Variants in CEMIP observed in about 807,000 individuals in gnomAD.
CEMIP encodes the protein cell migration-inducing and hyaluronan-binding protein.
In CEMIP, 105 loss-of-function variants were observed where a neutral mutation model predicts 156.9. That is an observed-to-expected ratio of 0.67 (90% CI 0.57 to 0.79). The LOEUF (loss-of-function observed/expected upper bound fraction) is 0.79. Ranked by LOEUF, CEMIP falls within the 30% of genes least tolerant of loss-of-function variation. CEMIP has a pLI of 0.00. For missense variants in CEMIP, 1,457 were observed against 1,769.4 expected (o/e 0.82, Z 3.17); for synonymous variants, 676 against 668.4 (o/e 1.01, Z -0.17).
In CEMIP at chr15:80,949,156, T is replaced by C. The variant is rs996703857; in HGVS notation, c.*232T>C. 1.0e-5 allele frequency: 6 copies of C among 584,906 alleles called. No homozygotes were observed. Among genetic ancestry groups the C allele is most frequent in the Non-Finnish European group, 1.5e-5 (5 of 327,132 alleles). The allele number at this position is 584,906 out of a possible 1,614,324, so 36.2% of individuals were successfully genotyped here. ...GCGGTGCTGGCCAATGCTGGAAACA[T>C]TCACTTTCCTGCAGCCTCTTGGGTG... On this transcript the variant is annotated 3_prime_UTR_variant, in exon 30 of 30. Transcript: ENST00000394685.
intron 4 of CEMIP, 120 bp from the exon 5 acceptor site, chr15:80,879,596 A>G (rs1317465182): frequency 2.7e-6 from 3 of 1,123,108 alleles, no homozygotes; most frequent in Non-Finnish European, 4.1e-6. Flanking sequence ...TGTTTGGAAG[A>G]TGTGCCTTTT....
intron 1 of CEMIP, among the ~76,000 whole-genome samples, chr15:80,799,488 C>A (rs928023368): frequency 3.9e-5 from 6 of 152,160 alleles, no homozygotes; most frequent in Admixed American, 1.3e-4. Flanking sequence ...GTTTCTTCTG[C>A]AAAATGAGAG....
intron 3 of CEMIP, among the ~76,000 whole-genome samples, chr15:80,877,643 C>T (rs771352232): frequency 2.0e-5 from 3 of 152,178 alleles, no homozygotes; most frequent in Admixed American, 6.5e-5. Context: ...TCTGTGACAG[C>T]GCCAGTCCTC....
In CEMIP at chr15:80,873,934, T is replaced by G. The variant is rs763836221; in HGVS notation, c.55T>G (p.Trp19Gly). ...FLFKAMLTIS[W>G]LTLTCFPGAT... ...CTTCAAGGCCATGCTGACCATCAGC[T>G]GGCTCACTCTGACCTGCTTCCCTGG... Residue 19 changes from tryptophan (W) to glycine (G), a missense_variant, in exon 3 of 30, where the codon TGG (tryptophan) becomes GGG (glycine). Physicochemically the swap from Trp to Gly is radical, Grantham distance 184 (BLOSUM62 -2). This residue lies in a region of CEMIP where 309 missense variants were observed against 340.8 expected (regional missense o/e 0.91). Coordinates refer to ENST00000394685, the MANE Select transcript of CEMIP (RefSeq NM_001293298.2). 8.9e-6 allele frequency: 14 copies of G among 1,576,040 alleles called. No individual in the cohort carries two copies. In the Admixed American group the frequency reaches 2.6e-4, roughly 29 times the overall value.
Position 80,924,645 on chromosome 15 carries a change from G to T in CEMIP, c.2227G>T (p.Val743Phe). The change falls in exon 18 of 30, where the codon GTC becomes TTC. Residue 743 changes from valine to phenylalanine, a missense_variant. Val to Phe is a conservative substitution (Grantham distance 50, BLOSUM62 -1). Transcript: ENST00000394685. ...GGCTGGCATGATCATAGACAACGGA[G>T]TCAAAACCACCGAGGCCTCTGCCAA... ...YRAGMIIDNG[V>F]KTTEASAKDK... 1 of 1,614,168 alleles carries T rather than the reference G, an allele frequency of 6.2e-7. No individual in the cohort carries two copies. The highest frequency in any genetic ancestry group is 8.5e-7 in the Non-Finnish European group (1 of 1,180,026).
At chr15:80,842,294 G>A (rs1444766217) in intron 1 of CEMIP, among the ~76,000 whole-genome samples, 1 of 151,760 alleles carries the variant, frequency 6.6e-6, no homozygotes, top group African/African-American at 2.4e-5. Context: ...CTCCTACTTG[G>A]CCTTTCTCCC....
At chr15:80,785,448 C>T (rs1392767208) in intron 1 of CEMIP, among the ~76,000 whole-genome samples, 1 of 152,168 alleles carries the variant, frequency 6.6e-6, no homozygotes, top group South Asian at 2.1e-4. Context: ...CCGCCACAAT[C>T]GGAAGCAGAA....
At chr15:80,909,052 A>G (rs1483227441) in intron 13 of CEMIP, 45 bp from the exon 14 acceptor site, 1 of 1,589,084 alleles carries the variant, frequency 6.3e-7, no homozygotes, top group Admixed American at 1.7e-5. Context: ...GGGAAATCAC[A>G]AAGCATCTCA....
At chr15:80,880,368 G>A (rs370324445) in intron 5 of CEMIP, among the ~76,000 whole-genome samples, 10 of 152,308 alleles carry the variant, frequency 6.6e-5, no homozygotes, top group African/African-American at 2.4e-4. Context: ...TAATTGGCAC[G>A]TCTGCTTGGC....
In CEMIP at chr15:80,888,691, T is replaced by G; in HGVS notation, c.869-10T>G. On this transcript the variant is annotated splice_polypyrimidine_tract_variant and intron_variant, in intron 8 of 29. Transcript: ENST00000394685. ...TGTCCAGCTCCTAAAGGGTCTCGTT[T>G]CTCTGACAGGACATCGAGGCTCTGC... 6.2e-7 allele frequency: 1 copy of G among 1,613,868 alleles called. No homozygotes were observed. The highest frequency in any genetic ancestry group is 8.5e-7 in the Non-Finnish European group (1 of 1,179,732).
intron 25 of CEMIP, among the ~76,000 whole-genome samples, chr15:80,941,051 GTC>G (rs1901316738): frequency 1.3e-5 from 2 of 152,156 alleles, no homozygotes; most frequent in Admixed American, 1.3e-4. Flanking sequence ...CCCTCTGTGA[GTC>G]CAATGTGTGC....
At chr15:80,898,918 T>C (rs1445375179) in intron 12 of CEMIP, among the ~76,000 whole-genome samples, 1 of 152,038 alleles carries the variant, frequency 6.6e-6, no homozygotes, top group Non-Finnish European at 1.5e-5. Context: ...AACAAGCCAT[T>C]AGAAAGCACA....
intron 26 of CEMIP, 75 bp downstream of exon 26, chr15:80,942,128 C>A: frequency 1.3e-6 from 2 of 1,521,824 alleles, no homozygotes; most frequent in Non-Finnish European, 1.8e-6. Context: ...TCCAGTCGGG[C>A]CCAGACCCAA....
At chr15:80,866,217 T>C (rs1898122342) in intron 1 of CEMIP, among the ~76,000 whole-genome samples, 1 of 152,194 alleles carries the variant, frequency 6.6e-6, no homozygotes, top group African/African-American at 2.4e-5. Flanking sequence ...CAGGGAACTG[T>C]AGCATCTCTC....
At chr15:80,859,759 T>C (rs1318417131) in intron 1 of CEMIP, among the ~76,000 whole-genome samples, 1 of 152,224 alleles carries the variant, frequency 6.6e-6, no homozygotes, top group African/African-American at 2.4e-5. Flanking sequence ...CATTTAGTGG[T>C]CGGAAGTATT....
intron 1 of CEMIP, among the ~76,000 whole-genome samples, chr15:80,785,219 ACT>A (rs1895900201): frequency 6.6e-6 from 1 of 152,074 alleles, no homozygotes; most frequent in African/African-American, 2.4e-5. Context: ...ATTTCATCTA[ACT>A]CTGGCTCCAG....
At chr15:80,787,279 G>A (rs1252301828) in intron 1 of CEMIP, among the ~76,000 whole-genome samples, 1 of 152,234 alleles carries the variant, frequency 6.6e-6, no homozygotes, top group Non-Finnish European at 1.5e-5. Flanking sequence ...GTGAGAGTAA[G>A]GCTTGTTCAG....
chr15:80,859,970 T>A, intron 1 of CEMIP, among the ~76,000 whole-genome samples: 1 of 152,112 alleles, frequency 6.6e-6, no homozygotes, highest in East Asian at 1.9e-4. Context: ...ATCTGCCTGC[T>A]TGTCAAGCTC....
intron 1 of CEMIP, among the ~76,000 whole-genome samples, chr15:80,848,590 C>T (rs1897621381): frequency 6.6e-6 from 1 of 152,102 alleles, no homozygotes; most frequent in African/African-American, 2.4e-5. Context: ...GAGGATCTCT[C>T]TTGGGGTTAT....
Sources: allele counts gnomAD v4.1 joint callset (sites outside exome capture counted in the v4.1 genomes callset), GRCh38; gene constraint gnomAD v4.1.1; regional missense constraint gnomAD v4.1.1; transcripts MANE v1.5; gene names NCBI Gene and HGNC (gene_info 2026-07-23, HGNC 2026-07-21).